The following INPP5D variants were observed in gnomAD, a reference collection of about 807,000 sequenced individuals.
INPP5D encodes the protein phosphatidylinositol 3,4,5-trisphosphate 5-phosphatase 1.
A neutral mutation model predicts 122.9 loss-of-function variants in INPP5D; 33 were observed. The ratio of observed to expected loss-of-function variants is 0.27; its 90% CI spans 0.20 to 0.36. The LOEUF is 0.36. INPP5D is among the 10% of genes least tolerant of loss of function. INPP5D has a pLI of 1.00. For synonymous variants in INPP5D, 584 were observed against 576.2 expected (o/e 1.01, Z -0.19); for missense variants, 1,053 against 1,412.7 (o/e 0.75, Z 4.08).
intron 2 of INPP5D, among the ~76,000 whole-genome samples, chr2:233,083,492 C>T (rs909686140): frequency 6.6e-6 from 1 of 152,190 alleles, no homozygotes; most frequent in African/African-American, 2.4e-5. Context: ...GTGCTCTGAG[C>T]CCTGTGTGAG....
intron 9 of INPP5D, among the ~76,000 whole-genome samples, chr2:233,156,570 C>T (rs1264807029): frequency 6.6e-6 from 1 of 152,198 alleles, no homozygotes; most frequent in Non-Finnish European, 1.5e-5. Flanking sequence ...GCTAGGATTA[C>T]AGGCATGAGC....
rs761996196 is a variant in INPP5D, at chr2:233,147,521, C to T, written c.957C>T (p.Asp319=). 4.4e-5 allele frequency: 31 copies of T among 704,156 alleles called. 1 individual carries two copies. The highest frequency in any genetic ancestry group is 1.3e-4 in the South Asian group (9 of 67,610). The allele number at this position is 704,156 out of a possible 1,614,324, so 43.6% of individuals were successfully genotyped here. ...CTCAGAAAATGCAGCTCAAAGTCGA[C>T]GTTGAGTCTGGGAAACTGATCATTA... is the stretch of plus-strand genomic sequence containing the variant. ...GIPQKMQLKV[D]VESGKLIIKK... The change falls in exon 9 of 27, where the codon GAC becomes GAT. Residue 319 remains aspartate, a synonymous_variant. Transcript: ENST00000445964.
In INPP5D at chr2:233,161,780, G is replaced by A. The variant is rs1168506572; in HGVS notation, c.1194G>A (p.Gln398=). Residue 398 remains glutamine, a synonymous_variant, in exon 11 of 27, where the codon CAG becomes CAA. Transcript: ENST00000445964. ...AGATGAAGAACAAGCACTCAGAGCA[G>A]CCGGAGCCCGACATGATCACCATCT... ...LQQMKNKHSE[Q]PEPDMITIFI... is the part of the protein sequence containing the mutation. 2 of 1,613,818 alleles carry A rather than the reference G, an allele frequency of 1.2e-6. No individual in the cohort carries two copies. The highest frequency in any genetic ancestry group is 2.2e-5 in the South Asian group (2 of 91,004).
chr2:233,090,267 C>G (rs1691956827), intron 2 of INPP5D, among the ~76,000 whole-genome samples: 1 of 152,178 alleles, frequency 6.6e-6, no homozygotes, highest in Admixed American at 6.5e-5. Context: ...TTTGAGCAAC[C>G]CCAGGAGAGG....
At chr2:233,067,513 A>G (rs1167869634) in intron 1 of INPP5D, among the ~76,000 whole-genome samples, 4 of 152,256 alleles carry the variant, frequency 2.6e-5, no homozygotes, top group Non-Finnish European at 4.4e-5. Context: ...ATTCATATAC[A>G]AGGTTTTGTG....
At chr2:233,118,996 G>A (rs1172501953) in intron 2 of INPP5D, among the ~76,000 whole-genome samples, 2 of 152,232 alleles carry the variant, frequency 1.3e-5, no homozygotes, top group African/African-American at 2.4e-5. Flanking sequence ...AAATTGCTCT[G>A]TTCCTAGTAC....
Position 233,079,413 on chromosome 2 carries a change from A to C in INPP5D, c.198+15A>C. On this transcript the variant is annotated intron_variant, in intron 2 of 26. Transcript: ENST00000445964. Reference sequence around the variant, plus strand: ...TCACTGTTCAGGTGAGTCCTTTATAAACCTAGAAATCTGAACCTGACTTCA... The same window carrying C: ...TCACTGTTCAGGTGAGTCCTTTATACACCTAGAAATCTGAACCTGACTTCA... 6.5e-7 allele frequency: 1 copy of C among 1,536,408 alleles called. No individual in the cohort carries two copies. The highest frequency in any genetic ancestry group is 9.0e-7 in the Non-Finnish European group (1 of 1,109,420).
At position 233,198,276 on chromosome 2, in the gene INPP5D, G is replaced by A; in HGVS notation, c.2875G>A (p.Glu959Lys). 6.2e-7 allele frequency: 1 copy of A among 1,613,550 alleles called. No homozygotes were observed. Among genetic ancestry groups the A allele is most frequent in the South Asian group, 1.1e-5 (1 of 91,082 alleles). ...CTCCCCGCTGGGGCCCTGCAGGGGA[G>A]AAAGTCCTCCGACACCTCCCGGCCA... ...KDSPLGPCRG[E>K]SPPTPPGQPP... Residue 959 changes from glutamate to lysine, a missense_variant, in exon 25 of 27, where the codon GAA becomes AAA. This residue lies in a region of INPP5D where 417 missense variants were observed against 425.8 expected (regional missense o/e 0.98). Transcript: ENST00000445964.
chr2:233,203,459 G>A (rs557771072), intron 25 of INPP5D, among the ~76,000 whole-genome samples: 1 of 152,182 alleles, frequency 6.6e-6, no homozygotes, highest in Admixed American at 6.5e-5. Context: ...ATGTGAACAG[G>A]TTTTATAGTG....
At position 233,195,597 on chromosome 2, in the gene INPP5D, G is replaced by A. The variant is rs1411360421; in HGVS notation, c.2693+102G>A. On this transcript the variant is annotated intron_variant, in intron 24 of 26. Coordinates refer to ENST00000445964, the MANE Select transcript of INPP5D (RefSeq NM_001017915.3). ...TGCGATGGTTCACGCCCATAATCCC[G>A]GCACTTTGGGAGGCCAAGGCTGGAG... 3.0e-5 allele frequency: 47 copies of A among 1,551,362 alleles called. 1 individual carries two copies. The highest frequency in any genetic ancestry group is 1.9e-4 in the Middle Eastern group (1 of 5,134).
At chr2:233,123,695 T>C (rs918086935) in intron 3 of INPP5D, among the ~76,000 whole-genome samples, 6 of 152,174 alleles carry the variant, frequency 3.9e-5, no homozygotes, top group African/African-American at 1.4e-4. Context: ...CTATTTGCAA[T>C]AGCAAAGACA....
intron 6 of INPP5D, among the ~76,000 whole-genome samples, chr2:233,142,500 A>G (rs1371124666): frequency 6.6e-6 from 1 of 152,128 alleles, no homozygotes; most frequent in Non-Finnish European, 1.5e-5. Flanking sequence ...CTAGACTCTC[A>G]CCAACATGAG....
At position 233,124,719 on chromosome 2, in the gene INPP5D, G is replaced by C. The variant is rs534570647; in HGVS notation, c.350-1026G>C. On this transcript the variant is annotated intron_variant, in intron 3 of 26. Transcript: ENST00000445964. ...TCGGGCTGCCCATCCCAGCTAGTTG[G>C]GCCCCTCTGGGCATGGCTGTCTGGA... is the stretch of plus-strand genomic sequence containing the variant. Among the ~76,000 whole-genome samples, 145 of 152,364 alleles carry C rather than the reference G, an allele frequency of 9.5e-4. 3 individuals carry two copies. The highest frequency in any genetic ancestry group is 3.2e-3 in the African/African-American group (135 of 41,590).
intron 2 of INPP5D, among the ~76,000 whole-genome samples, chr2:233,115,736 A>G (rs1334720311): frequency 6.6e-6 from 1 of 152,150 alleles, no homozygotes; most frequent in Non-Finnish European, 1.5e-5. Flanking sequence ...TTCAATGGAG[A>G]GGTCCATTTT....
At chr2:233,159,976 G>A (rs1239968502) in intron 10 of INPP5D, among the ~76,000 whole-genome samples, 1 of 152,186 alleles carries the variant, frequency 6.6e-6, no homozygotes, top group African/African-American at 2.4e-5. Context: ...CAGGTGGTGG[G>A]AGATGGAGAG....
At chr2:233,191,168 C>T (rs1015224658) in intron 22 of INPP5D, among the ~76,000 whole-genome samples, 1 of 152,208 alleles carries the variant, frequency 6.6e-6, no homozygotes, top group Non-Finnish European at 1.5e-5. Context: ...AACTTACAAT[C>T]ATGGCAGAAG....
At position 233,105,150 on chromosome 2, in the gene INPP5D, C is replaced by G. The variant is rs1692430495; in HGVS notation, c.199-16957C>G. The stretch of plus-strand genomic sequence containing the variant: ...GCCCAAGGGCAGTCGTCTGAGGCAC[C>G]AGGCTTAGGTCTTTGGCAGCAAAGC... On this transcript the variant is annotated intron_variant, in intron 2 of 26. Coordinates refer to ENST00000445964, the MANE Select transcript of INPP5D (RefSeq NM_001017915.3). The surrounding 1 kb of genome is among the most constrained non-coding windows in gnomAD (Gnocchi z 4.0). Among the ~76,000 whole-genome samples, 1 of 152,146 alleles carries G rather than the reference C, an allele frequency of 6.6e-6. No individual in the cohort carries two copies. Among genetic ancestry groups the G allele is most frequent in the Non-Finnish European group, 1.5e-5 (1 of 68,018 alleles).
At chr2:233,112,618 G>C (rs2106245080) in intron 2 of INPP5D, among the ~76,000 whole-genome samples, 1 of 152,302 alleles carries the variant, frequency 6.6e-6, no homozygotes, top group Admixed American at 6.5e-5. Context: ...GCAGCAGACA[G>C]AGTGAGGAAA....
intron 1 of INPP5D, among the ~76,000 whole-genome samples, chr2:233,061,990 T>A (rs1415152981): frequency 6.6e-6 from 1 of 152,232 alleles, no homozygotes; most frequent in Non-Finnish European, 1.5e-5. Flanking sequence ...CTCCAAAGAC[T>A]GGTTTCCTGT....
Sources: gnomAD v4.1 joint callset for allele counts (sites outside exome capture counted in the v4.1 genomes callset) on GRCh38, gnomAD v4.1.1 for gene constraint, gnomAD v4.1.1 regional missense constraint, Gnocchi (gnomAD v3.1) non-coding constraint, MANE v1.5 for transcripts, NCBI Gene and HGNC (gene_info 2026-07-23, HGNC 2026-07-21) for gene names.